The following SDCCAG8 variants were observed in gnomAD, a reference collection of about 807,000 sequenced individuals.
SDCCAG8 encodes SHH signaling and ciliogenesis regulator SDCCAG8, also known as serologically defined colon cancer antigen 8.
Under a neutral mutation model 101.8 loss-of-function variants are expected in SDCCAG8, and 74 were observed. The observed-to-expected ratio is 0.73, with a 90% confidence interval of 0.60 to 0.88. The LOEUF is 0.88. SDCCAG8 is among the 40% of genes least tolerant of loss of function. The pLI is 0.00. For synonymous variants in SDCCAG8, 281 were observed against 292.9 expected (o/e 0.96, Z 0.41); for missense variants, 787 against 822.6 (o/e 0.96, Z 0.53).
In SDCCAG8 at chr1:243,425,321, G is replaced by A. The variant is rs376578553; in HGVS notation, c.1854-1106G>A. Among the ~76,000 whole-genome samples the A allele has an allele frequency of 7.3e-4, 111 of 152,238 alleles. 1 individual carries two copies. The highest frequency in any genetic ancestry group is 2.5e-3 in the African/African-American group (105 of 41,574). ...TATCAATCAGGGCAAGCTTCCTTTT[G>A]GATGACATTTGAACCAAGATGAAAA... On this transcript the variant is annotated intron_variant, in intron 15 of 17. Coordinates refer to ENST00000366541, the MANE Select transcript of SDCCAG8 (RefSeq NM_006642.5).
Position 243,499,993 on chromosome 1 carries a change from G to GTGTA in SDCCAG8, c.*212_*215dup, listed in dbSNP as rs1211399410. ...TGACTCTAGCTGAGCAGAGCTCCTG[G>GTGTA]TGTATGTTTTCAGAAATGGCTTGAA... On this transcript the variant is annotated 3_prime_UTR_variant, in exon 18 of 18. Transcript: ENST00000366541. 36 of 601,856 alleles carry GTGTA rather than the reference G, an allele frequency of 6.0e-5. No individual in the cohort carries two copies. The highest frequency in any genetic ancestry group is 2.1e-5 in the South Asian group (1 of 48,660). The allele number at this position is 601,856 out of a possible 1,614,324, so 37.3% of individuals were successfully genotyped here.
At chr1:243,320,317 C>G (rs1430202705) in intron 9 of SDCCAG8, among the ~76,000 whole-genome samples, 1 of 152,166 alleles carries the variant, frequency 6.6e-6, no homozygotes, top group Non-Finnish European at 1.5e-5. Flanking sequence ...CGTTCCACTC[C>G]CTACACTGCA....
intron 12 of SDCCAG8, among the ~76,000 whole-genome samples, chr1:243,366,828 C>T (rs538511551): frequency 1.3e-4 from 19 of 151,892 alleles, no homozygotes; most frequent in Non-Finnish European, 2.7e-4. Context: ...TATGTGTGTG[C>T]ACATATGTAT....
intron 12 of SDCCAG8, among the ~76,000 whole-genome samples, chr1:243,363,842 G>A (rs2076852861): frequency 6.6e-6 from 1 of 152,192 alleles, no homozygotes; most frequent in Non-Finnish European, 1.5e-5. Context: ...AAATTGAAGA[G>A]ATGAGTTTAC....
chr1:243,439,557 G>A (rs1003661245), intron 16 of SDCCAG8, among the ~76,000 whole-genome samples: 15 of 151,274 alleles, frequency 9.9e-5, no homozygotes, highest in African/African-American at 2.4e-4. Context: ...GCCAGGAGGC[G>A]GAGGTTGCAG....
At chr1:243,372,467 G>T (rs1396525512) in intron 12 of SDCCAG8, among the ~76,000 whole-genome samples, 1 of 151,878 alleles carries the variant, frequency 6.6e-6, no homozygotes, top group Non-Finnish European at 1.5e-5. Context: ...TTATCCTTTT[G>T]AATTAAGATG....
intron 16 of SDCCAG8, among the ~76,000 whole-genome samples, chr1:243,463,921 C>T (rs559936898): frequency 1.3e-5 from 2 of 152,146 alleles, no homozygotes; most frequent in South Asian, 4.2e-4. Context: ...TGTGAACTCT[C>T]GGTGTTCCCG....
intron 4 of SDCCAG8, among the ~76,000 whole-genome samples, chr1:243,285,932 A>G (rs965414366): frequency 3.3e-5 from 5 of 152,186 alleles, no homozygotes; most frequent in African/African-American, 1.2e-4. Context: ...GAGTAATAAT[A>G]TATCTTATTT....
chr1:243,324,459 C>CTTTTTTTT lies in SDCCAG8; in HGVS notation c.1069-6067_1069-6060dup, dbSNP rs34446782. Among the ~76,000 whole-genome samples the CTTTTTTTT allele has an allele frequency of 4.6e-5, 4 of 87,008 alleles. 1 individual carries two copies. The highest frequency in any genetic ancestry group is 1.4e-4 in the African/African-American group (3 of 21,392). 57.1% of individuals were successfully genotyped at this position (87,008 alleles called of 152,430 possible). A position where few individuals can be genotyped will look rare whatever the true frequency, so the allele number is the denominator to read the frequency against. ...GTTCAAGGCTTCACATCTTCACATGCTTTTTTTTTTTTTTTTTTTTTCAGA... is the reference window on the plus strand; with the variant it reads ...GTTCAAGGCTTCACATCTTCACATGCTTTTTTTTTTTTTTTTTTTTTTTTTTTTTCAGA... On this transcript the variant is annotated intron_variant, in intron 9 of 17. Coordinates refer to ENST00000366541, the MANE Select transcript of SDCCAG8 (RefSeq NM_006642.5).
intron 7 of SDCCAG8, among the ~76,000 whole-genome samples, chr1:243,307,101 A>G (rs1192114610): frequency 2.0e-5 from 3 of 151,630 alleles, no homozygotes; most frequent in African/African-American, 7.3e-5. Context: ...CATCTAGGCA[A>G]GGAAGCTCAG....
chr1:243,302,686 C>T (rs1026831963), intron 6 of SDCCAG8, among the ~76,000 whole-genome samples: 3 of 152,200 alleles, frequency 2.0e-5, no homozygotes, highest in African/African-American at 7.2e-5. Context: ...TCTGGCCACG[C>T]AGAACCCCAT....
intron 17 of SDCCAG8, among the ~76,000 whole-genome samples, chr1:243,495,120 C>G (rs1667453909): frequency 2.0e-5 from 3 of 152,248 alleles, no homozygotes; most frequent in Non-Finnish European, 4.4e-5. Context: ...AGATGACAAA[C>G]TCAGACCCCA....
intron 13 of SDCCAG8, among the ~76,000 whole-genome samples, chr1:243,394,977 G>C (rs748398200): frequency 1.3e-5 from 2 of 151,910 alleles, no homozygotes; most frequent in Non-Finnish European, 2.9e-5. Flanking sequence ...AAATATTAAC[G>C]GTGTTCTCTG....
chr1:243,266,964 G>C (rs766684787), intron 1 of SDCCAG8, among the ~76,000 whole-genome samples: 1 of 111,942 alleles, frequency 8.9e-6, no homozygotes, highest in African/African-American at 3.0e-5. Context: ...AAAAAAAAAT[G>C]CTGGGCGCGG....
intron 16 of SDCCAG8, among the ~76,000 whole-genome samples, chr1:243,440,982 G>T (rs1163032044): frequency 2.0e-5 from 3 of 151,994 alleles, no homozygotes; most frequent in Admixed American, 6.6e-5. Context: ...AAATTAATTG[G>T]TTTAAAAATG....
intron 17 of SDCCAG8, 109 bp downstream of exon 17, chr1:243,489,249 G>T: frequency 1.4e-6 from 2 of 1,429,436 alleles, no homozygotes; most frequent in Admixed American, 2.0e-5. Flanking sequence ...TCGGTTAGCA[G>T]TAAGCTGGGA....
chr1:243,312,372 C>G (rs1226597186), intron 8 of SDCCAG8, among the ~76,000 whole-genome samples: 1 of 152,140 alleles, frequency 6.6e-6, no homozygotes, highest in African/African-American at 2.4e-5. Context: ...TTTGTTGCAT[C>G]CTTTAGCATT....
intron 13 of SDCCAG8, among the ~76,000 whole-genome samples, chr1:243,385,113 G>T (rs1458479118): frequency 6.6e-6 from 1 of 152,204 alleles, no homozygotes; most frequent in Non-Finnish European, 1.5e-5. Flanking sequence ...AGTAGATCGG[G>T]TGTGGTGGCT....
chr1:243,370,251 T>G (rs1051560942), intron 12 of SDCCAG8, among the ~76,000 whole-genome samples: 1 of 152,140 alleles, frequency 6.6e-6, no homozygotes, highest in African/African-American at 2.4e-5. Context: ...GTTAATATTT[T>G]ACTCATTTAG....
Sources: gnomAD v4.1 joint callset for allele counts (sites outside exome capture counted in the v4.1 genomes callset) on GRCh38, gnomAD v4.1.1 for gene constraint, MANE v1.5 for transcripts, NCBI Gene and HGNC (gene_info 2026-07-23, HGNC 2026-07-21) for gene names.